The following ANKFN1 variants were observed in gnomAD, a reference collection of about 807,000 sequenced individuals.
The protein encoded by ANKFN1 is ankyrin repeat and fibronectin type-III domain-containing protein 1.
Under a neutral mutation model 108.7 loss-of-function variants are expected in ANKFN1, and 74 were observed. That is an observed-to-expected ratio of 0.68 (90% CI 0.56 to 0.83). The LOEUF is 0.83. Among genes scored for constraint, ANKFN1 ranks in the 40% least tolerant of loss-of-function variants. ANKFN1 has a pLI of 0.00. For missense variants in ANKFN1, 1,505 were observed against 1,382.3 expected, an observed-to-expected ratio of 1.09 and a Z score of -1.41; for synonymous variants, 547 against 516.2, an observed-to-expected ratio of 1.06 and a Z score of -0.81.
chr17:56,480,716 A>G lies in ANKFN1; in HGVS notation c.1989A>G (p.Glu663=), dbSNP rs1471327877. Residue 663 remains glutamate, a synonymous_variant, in exon 17 of 21, where the codon GAA becomes GAG. Transcript: ENST00000682825. ...IQKLSGSESM[E]SVDHTSDCPM... Reference sequence around the variant, plus strand: ...AGCTTTCTGGCTCTGAATCTATGGAAAGTGTGGATCATACTTCTGACTGCC... The same window carrying G: ...AGCTTTCTGGCTCTGAATCTATGGAGAGTGTGGATCATACTTCTGACTGCC... 2.5e-6 allele frequency: 4 copies of G among 1,614,024 alleles called. No homozygotes were observed. In the South Asian group the frequency reaches 4.4e-5, roughly 18 times the overall value.
Position 56,510,733 on chromosome 17 carries a change from T to A in ANKFN1, c.2905T>A (p.Phe969Ile). The A allele has an allele frequency of 6.5e-7, 1 of 1,535,916 alleles. No homozygotes were observed. ...GPNPDHSCAE[F>I]LHSLTLTGFT... is the part of the protein sequence containing the mutation. ...AAATCCCGATCACTCATGTGCCGAG[T>A]TTCTCCATAGCCTGACCCTCACGGG... The change falls in exon 21 of 21, where the codon TTT (phenylalanine) becomes ATT (isoleucine). Residue 969 changes from phenylalanine to isoleucine, a missense_variant. By Grantham distance (21) the Phe-to-Ile change is conservative. Coordinates refer to ENST00000682825, the MANE Select transcript of ANKFN1 (RefSeq NM_001370326.1).
At chr17:56,442,779 C>T (rs1392103599) in intron 9 of ANKFN1, 64 bp from the exon 10 acceptor site, 3 of 1,429,436 alleles carry the variant, frequency 2.1e-6, no homozygotes, top group Non-Finnish European at 2.9e-6. Flanking sequence ...AATTCTATAC[C>T]CATAGAGTCT....
upstream of ANKFN1, among the ~76,000 whole-genome samples, chr17:56,150,020 T>C (rs1908502770): frequency 6.6e-6 from 1 of 152,262 alleles, no homozygotes; most frequent in South Asian, 2.1e-4. Flanking sequence ...CCCTCTCTTT[T>C]GCTGAGTAGC....
At chr17:56,150,186 C>A (rs1171875818), upstream of ANKFN1, among the ~76,000 whole-genome samples, 1 of 152,168 alleles carries the variant, frequency 6.6e-6, no homozygotes, top group Non-Finnish European at 1.5e-5. Context: ...AAGTGGCAGC[C>A]CAGAAACTAG....
intron 4 of ANKFN1, among the ~76,000 whole-genome samples, chr17:56,082,430 T>TCA (rs1905259417): frequency 8.9e-6 from 1 of 111,998 alleles, no homozygotes; most frequent in Non-Finnish European, 2.3e-5. Flanking sequence ...CAAATCCCTA[T>TCA]CACACACACA....
intron 1 of ANKFN1, among the ~76,000 whole-genome samples, chr17:56,174,684 C>T (rs542998065): frequency 5.9e-5 from 9 of 152,230 alleles, no homozygotes; most frequent in African/African-American, 2.2e-4. Flanking sequence ...ACACTCAGAC[C>T]CCTACCTACT....
chr17:56,155,586 G>A (rs1008568306), intron 1 of ANKFN1, among the ~76,000 whole-genome samples: 1 of 152,194 alleles, frequency 6.6e-6, no homozygotes, highest in Non-Finnish European at 1.5e-5. Flanking sequence ...GAAGGAATAA[G>A]CTGTGCTTAC....
intron 3 of ANKFN1, among the ~76,000 whole-genome samples, chr17:56,273,665 A>G (rs2043847378): frequency 6.6e-6 from 1 of 152,226 alleles, no homozygotes; most frequent in Non-Finnish European, 1.5e-5. Context: ...AAAAAGATAT[A>G]AAGAAAAAAC....
At chr17:56,475,988 A>C (rs1019653021) in intron 15 of ANKFN1, among the ~76,000 whole-genome samples, 1 of 152,222 alleles carries the variant, frequency 6.6e-6, no homozygotes, top group Admixed American at 6.5e-5. Flanking sequence ...CAATCACGGC[A>C]GAAAGTGAAG....
At chr17:56,306,150 T>G (rs923789360) in intron 3 of ANKFN1, among the ~76,000 whole-genome samples, 5 of 152,258 alleles carry the variant, frequency 3.3e-5, no homozygotes, top group Non-Finnish European at 7.3e-5. Flanking sequence ...TCGTTTGCCT[T>G]TTCAACTGTA....
chr17:56,417,615 T>G (rs1000039632), intron 8 of ANKFN1, among the ~76,000 whole-genome samples: 2 of 152,236 alleles, frequency 1.3e-5, no homozygotes, highest in African/African-American at 4.8e-5. Flanking sequence ...TGTATCTGCC[T>G]TTTTTCTACC....
rs565072565 is a variant in ANKFN1 at position 56,369,503 on chromosome 17, GCTAA to G, written c.602-3139_602-3136del. Among the ~76,000 whole-genome samples the G allele has an allele frequency of 2.0e-4, 31 of 152,188 alleles. No homozygotes were observed. The South Asian group carries it at 3.1e-3, about 15-fold the overall frequency. ...GAACAATTTTCAAGCTTTCAAAAAG[GCTAA>G]CTATCACACCATTACTCAAGATAAA... On this transcript the variant is annotated intron_variant, in intron 6 of 20. Coordinates refer to ENST00000682825, the MANE Select transcript of ANKFN1 (RefSeq NM_001370326.1).
intron 14 of ANKFN1, among the ~76,000 whole-genome samples, chr17:56,459,223 G>T (rs1188739253): frequency 6.6e-6 from 1 of 152,076 alleles, no homozygotes; most frequent in African/African-American, 2.4e-5. Context: ...CAATTCTCCT[G>T]CCTCAGCCTC....
chr17:56,408,407 T>C (rs920986533), intron 8 of ANKFN1, among the ~76,000 whole-genome samples: 2 of 152,224 alleles, frequency 1.3e-5, no homozygotes, highest in Non-Finnish European at 2.9e-5. Flanking sequence ...TCTGGGTTCC[T>C]GTTATGAATT....
chr17:56,191,838 C>T (rs1428163174), intron 1 of ANKFN1, among the ~76,000 whole-genome samples: 1 of 149,732 alleles, frequency 6.7e-6, no homozygotes, highest in African/African-American at 2.5e-5. Context: ...CTCCGCATCA[C>T]TTTCAGGTAC....
chr17:56,098,441 C>T lies in ANKFN1; in HGVS notation c.288+52116C>T, dbSNP rs112338656. ...AAACACACACACACACACACACACG[C>T]GCGCGCACATACTCTATCCCCATTC... On this transcript the variant is annotated intron_variant, in intron 4 of 12. Transcript: ENST00000635860. Among the ~76,000 whole-genome samples the T allele has an allele frequency of 1.7e-3, 206 of 120,510 alleles. 1 individual carries two copies. Among genetic ancestry groups the T allele is most frequent in the Non-Finnish European group, 2.8e-3 (169 of 61,164 alleles). 79.1% of individuals were successfully genotyped at this position (120,510 alleles called of 152,430 possible).
intron 11 of ANKFN1, among the ~76,000 whole-genome samples, chr17:56,456,193 C>T (rs553709170): frequency 9.2e-5 from 14 of 152,140 alleles, no homozygotes; most frequent in Non-Finnish European, 1.8e-4. Flanking sequence ...AAGGCAATTG[C>T]GGGAGTTGGG....
chr17:56,170,795 TATATATATATATACACAC>T (rs1430603181), intron 1 of ANKFN1, among the ~76,000 whole-genome samples: 4 of 62,240 alleles, frequency 6.4e-5, no homozygotes, highest in African/African-American at 1.9e-4. Flanking sequence ...TATATATATA[TATATATATATATACACAC>T]ACACACACAC....
In ANKFN1 at chr17:56,176,649, T is replaced by C. The variant is rs541919876; in HGVS notation, c.-71+23119T>C. On this transcript the variant is annotated intron_variant, in intron 1 of 20. Transcript: ENST00000682825. Reference sequence around the variant, plus strand: ...ATGAGAAAGAGAATTTGGCCCAAGGTACTCAAAGCACTTTTTTAAGACTTA... The same window carrying C: ...ATGAGAAAGAGAATTTGGCCCAAGGCACTCAAAGCACTTTTTTAAGACTTA... Among the ~76,000 whole-genome samples the C allele has an allele frequency of 2.6e-5, 4 of 152,274 alleles. 1 individual carries two copies. In the South Asian group the frequency reaches 8.3e-4, roughly 32 times the overall value.
Sources: allele counts gnomAD v4.1 joint callset (sites outside exome capture counted in the v4.1 genomes callset), GRCh38; gene constraint gnomAD v4.1.1; transcripts MANE v1.5; gene names NCBI Gene and HGNC (gene_info 2026-07-23, HGNC 2026-07-21).